DARS1: variants seen among roughly 807,000 people sequenced by gnomAD.
DARS1 encodes aspartate--tRNA ligase, cytoplasmic.
DARS1 carries 51 observed loss-of-function variants against 68.8 expected under a neutral mutation model. That is an observed-to-expected ratio of 0.74 (90% CI 0.59 to 0.94). The LOEUF (loss-of-function observed/expected upper bound fraction) is 0.94, where lower values mean the gene tolerates loss of function less well. Among genes scored for constraint, DARS1 ranks in the 40% least tolerant of loss-of-function variants. The pLI is 0.00. For missense variants in DARS1, 607 were observed against 597.3 expected (o/e 1.02, Z -0.17); for synonymous variants, 203 against 190.4 (o/e 1.07, Z -0.55).
At chr2:135,963,736 A>G (rs575226647) in intron 3 of DARS1, among the ~76,000 whole-genome samples, 3 of 149,634 alleles carry the variant, frequency 2.0e-5, no homozygotes, top group African/African-American at 7.4e-5. Flanking sequence ...CTGGAATGCA[A>G]TGGCATAATC....
rs79137850 is a variant in DARS1, at chr2:135,943,357, T to C, written c.423+21A>G. The C allele has an allele frequency of 6.0e-3, 9,672 of 1,604,024 alleles. 735 individuals carry two copies. In the East Asian group the frequency reaches 0.17, roughly 29 times the overall value. On this transcript the variant is annotated intron_variant, in intron 5 of 15. Transcript: ENST00000264161. ...CCCAAATCTATTTCTATATGCGATTTTATATTTTGAAAAAACTTACCTTCT... is the reference window on the plus strand; with the variant it reads ...CCCAAATCTATTTCTATATGCGATTCTATATTTTGAAAAAACTTACCTTCT...
intron 3 of DARS1, among the ~76,000 whole-genome samples, chr2:135,975,953 A>G (rs1024897315): frequency 6.6e-6 from 1 of 152,146 alleles, no homozygotes; most frequent in South Asian, 2.1e-4. Flanking sequence ...CACCTCAAAC[A>G]AACCAACCAA....
intron 7 of DARS1, among the ~76,000 whole-genome samples, chr2:135,930,252 A>G (rs1380026119): frequency 2.6e-5 from 4 of 152,224 alleles, no homozygotes; most frequent in Admixed American, 2.6e-4. Context: ...CATTCAGGAA[A>G]AAAAGTTACA....
At chr2:135,964,161 T>A (rs1211903341) in intron 3 of DARS1, among the ~76,000 whole-genome samples, 1 of 152,156 alleles carries the variant, frequency 6.6e-6, no homozygotes, top group Admixed American at 6.5e-5. Flanking sequence ...GATAAAACCA[T>A]ATGTAACGTG....
intron 8 of DARS1, among the ~76,000 whole-genome samples, chr2:135,923,523 C>T (rs1337373373): frequency 1.3e-5 from 2 of 151,992 alleles, no homozygotes; most frequent in African/African-American, 4.8e-5. Context: ...CTCCTGACCT[C>T]GTGATCCACC....
intron 3 of DARS1, among the ~76,000 whole-genome samples, chr2:135,963,601 A>T (rs925848181): frequency 6.6e-6 from 1 of 151,494 alleles, no homozygotes; most frequent in African/African-American, 2.4e-5. Context: ...CGAACTCCTG[A>T]CCTCAGGTGA....
At chr2:135,959,339 G>A (rs1044904549) in intron 4 of DARS1, among the ~76,000 whole-genome samples, 6 of 130,812 alleles carry the variant, frequency 4.6e-5, no homozygotes, top group African/African-American at 8.8e-5. Flanking sequence ...TGCGATGAGC[G>A]GAGACCACGC....
At chr2:135,938,925 T>C (rs1007208465) in intron 5 of DARS1, among the ~76,000 whole-genome samples, 1 of 152,126 alleles carries the variant, frequency 6.6e-6, no homozygotes, top group African/African-American at 2.4e-5. Flanking sequence ...GGCCATTAAA[T>C]AATGGTAAAG....
intron 3 of DARS1, among the ~76,000 whole-genome samples, chr2:135,966,019 G>T (rs778360555): frequency 6.6e-6 from 1 of 152,168 alleles, no homozygotes; most frequent in Non-Finnish European, 1.5e-5. Context: ...CTTACTGCAT[G>T]ATTAGCTTAG....
intron 11 of DARS1, among the ~76,000 whole-genome samples, chr2:135,915,527 T>C (rs973132264): frequency 6.6e-6 from 1 of 152,078 alleles, no homozygotes; most frequent in African/African-American, 2.4e-5. Context: ...GCTCATATGA[T>C]CCTCCTACCT....
At chr2:135,923,065 C>G in intron 8 of DARS1, 147 bp from the exon 9 acceptor site, 1 of 931,754 alleles carries the variant, frequency 1.1e-6, no homozygotes, top group Admixed American at 4.1e-5. Flanking sequence ...AGTCTATATA[C>G]ATCATCTTCT....
intron 4 of DARS1, among the ~76,000 whole-genome samples, chr2:135,947,727 T>C (rs2104822888): frequency 6.6e-6 from 1 of 152,062 alleles, no homozygotes; most frequent in East Asian, 1.9e-4. Flanking sequence ...TAGAACTAAA[T>C]TTAAATATCT....
At chr2:135,962,000 T>C (rs1019009204) in intron 3 of DARS1, among the ~76,000 whole-genome samples, 15 of 152,226 alleles carry the variant, frequency 9.9e-5, no homozygotes, top group African/African-American at 3.6e-4. Context: ...CCTACCAAAG[T>C]ACATTTTAAA....
At chr2:135,971,562 T>C (rs1196118449) in intron 3 of DARS1, among the ~76,000 whole-genome samples, 2 of 152,172 alleles carry the variant, frequency 1.3e-5, no homozygotes, top group Non-Finnish European at 2.9e-5. Flanking sequence ...ACCACTGTTA[T>C]TCAACATAGG....
At position 135,961,455 on chromosome 2, in the gene DARS1, G is replaced by T; in HGVS notation, c.261C>A (p.Val87=). 1 of 1,560,252 alleles carries T rather than the reference G, an allele frequency of 6.4e-7. No individual in the cohort carries two copies. The highest frequency in any genetic ancestry group is 8.8e-7 in the Non-Finnish European group (1 of 1,130,836). The change falls in exon 4 of 16, where the codon GTC becomes GTA. Residue 87 remains valine (V), a synonymous_variant. Transcript: ENST00000264161. ...GGTCTCCCACCGCCACAAGAGCCTG[G>T]ACATTAAACTGCTGCTGACGTAGGA... ...FLVLRQQQFN[V]QALVAVGDHA...
chr2:135,907,142 G>A lies in DARS1; in HGVS notation c.*174C>T, dbSNP rs186064583. 1.4e-4 allele frequency: 63 copies of A among 445,206 alleles called. No individual in the cohort carries two copies. The highest frequency in any genetic ancestry group is 1.2e-3 in the African/African-American group (58 of 48,364). The allele number at this position is 445,206 out of a possible 1,614,324, so 27.6% of individuals were successfully genotyped here. ...ACTGAATTACTCCAAAAATAACAGT[G>A]ATATTTTAGGGCCTTGCAAATTTAT... On this transcript the variant is annotated 3_prime_UTR_variant, in exon 16 of 16. Coordinates refer to ENST00000264161, the MANE Select transcript of DARS1 (RefSeq NM_001349.4).
chr2:135,979,192 T>G, intron 3 of DARS1, 82 bp downstream of exon 3: 1 of 751,488 alleles, frequency 1.3e-6, no homozygotes, highest in Non-Finnish European at 2.3e-6. Flanking sequence ...TTTTAAAGAT[T>G]TACTTTGGTC....
At chr2:135,932,316 C>G (rs1681369618) in intron 7 of DARS1, among the ~76,000 whole-genome samples, 1 of 152,218 alleles carries the variant, frequency 6.6e-6, no homozygotes, top group Non-Finnish European at 1.5e-5. Context: ...ACCCATGAGA[C>G]TACTGCATAA....
At chr2:135,940,117 C>T (rs1358016176) in intron 5 of DARS1, among the ~76,000 whole-genome samples, 1 of 152,164 alleles carries the variant, frequency 6.6e-6, no homozygotes, top group Non-Finnish European at 1.5e-5. Flanking sequence ...GAAACTATTC[C>T]AATCAACAGA....
Sources: allele counts gnomAD v4.1 joint callset (sites outside exome capture counted in the v4.1 genomes callset), GRCh38; gene constraint gnomAD v4.1.1; transcripts MANE v1.5; gene names NCBI Gene and HGNC (gene_info 2026-07-23, HGNC 2026-07-21).